The following ZNF146 variants were observed in gnomAD, a reference collection of about 807,000 sequenced individuals.
ZNF146 encodes zinc finger protein OZF.
A neutral mutation model predicts 22.2 loss-of-function variants in ZNF146; 9 were observed. The observed-to-expected ratio is 0.41, with a 90% CI of 0.24 to 0.71. The LOEUF (loss-of-function observed/expected upper bound fraction) is 0.71, where lower values mean the gene tolerates loss of function less well. Among genes scored for constraint, ZNF146 ranks in the 30% least tolerant of loss-of-function variants. The probability of loss-of-function intolerance (pLI) is 0.34; values close to 1 mark genes in which losing one functional copy is unlikely to be tolerated. For synonymous variants in ZNF146, 108 were observed against 119.2 expected (o/e 0.91, Z 0.61); for missense variants, 194 against 344.8 (o/e 0.56, Z 3.46).
chr19:36,217,055 CTTTT>C (rs752632008), intron 1 of ZNF146, among the ~76,000 whole-genome samples: 11 of 65,878 alleles, frequency 1.7e-4, no homozygotes, highest in South Asian at 8.1e-4. Context: ...CAGTCCCTGT[CTTTT>C]TTTTTTTTTT....
intron 3 of ZNF146, among the ~76,000 whole-genome samples, chr19:36,230,457 A>G (rs1977280005): frequency 6.6e-6 from 1 of 152,180 alleles, no homozygotes; most frequent in African/African-American, 2.4e-5. Context: ...GAATAAAGTA[A>G]GGGAAAACCG....
At chr19:36,216,122 A>T in intron 1 of ZNF146, among the ~76,000 whole-genome samples, 1 of 152,222 alleles carries the variant, frequency 6.6e-6, no homozygotes, top group East Asian at 1.9e-4. Flanking sequence ...AATATCTATA[A>T]ATAAATAGCC....
At chr19:36,228,298 T>A (rs1181438042) in intron 2 of ZNF146, among the ~76,000 whole-genome samples, 12 of 152,168 alleles carry the variant, frequency 7.9e-5, no homozygotes. Context: ...TGTGCTTTAG[T>A]TCTGATGGGA....
chr19:36,231,087 C>T (rs1977341000), intron 3 of ZNF146, among the ~76,000 whole-genome samples: 2 of 152,220 alleles, frequency 1.3e-5, no homozygotes, highest in South Asian at 2.1e-4. Flanking sequence ...GAAGGATATA[C>T]GTGACACGCG....
chr19:36,227,616 G>A (rs1210112826), intron 2 of ZNF146, among the ~76,000 whole-genome samples: 1 of 152,076 alleles, frequency 6.6e-6, no homozygotes, highest in East Asian at 1.9e-4. Context: ...TTTATGACAA[G>A]GTCTCACTCT....
chr19:36,221,870 A>G (rs1002910930), intron 2 of ZNF146, among the ~76,000 whole-genome samples: 1 of 146,144 alleles, frequency 6.8e-6, no homozygotes, highest in African/African-American at 2.6e-5. Context: ...GCACCTCCCT[A>G]TATCTCACTT....
intron 3 of ZNF146, among the ~76,000 whole-genome samples, chr19:36,232,641 C>T (rs1419697890): frequency 6.7e-6 from 1 of 150,052 alleles, no homozygotes; most frequent in East Asian, 1.9e-4. Context: ...CATAGTCTCC[C>T]TCTGTCACCC....
chr19:36,230,905 G>A (rs1470482840), intron 3 of ZNF146, among the ~76,000 whole-genome samples: 3 of 152,044 alleles, frequency 2.0e-5, no homozygotes, highest in Non-Finnish European at 4.4e-5. Context: ...AGGTTCAAGC[G>A]ATTCTCCTGC....
chr19:36,220,664 C>T (rs796143328), intron 2 of ZNF146, among the ~76,000 whole-genome samples: 1 of 152,036 alleles, frequency 6.6e-6, no homozygotes, highest in East Asian at 1.9e-4. Context: ...CGGCGCCCGG[C>T]CTCCTAGTTG....
chr19:36,216,118 T>TATAA (rs1976593441), intron 1 of ZNF146, among the ~76,000 whole-genome samples: 1 of 152,210 alleles, frequency 6.6e-6, no homozygotes, highest in South Asian at 2.1e-4. Context: ...AGTTAATATC[T>TATAA]ATAAATAAAT....
chr19:36,217,534 G>A (rs1332641414), intron 1 of ZNF146, among the ~76,000 whole-genome samples: 1 of 152,132 alleles, frequency 6.6e-6, no homozygotes, highest in African/African-American at 2.4e-5. Flanking sequence ...ACTTCAAAAT[G>A]TATTGTTAAC....
intron 1 of ZNF146, among the ~76,000 whole-genome samples, chr19:36,216,439 G>A (rs1240425437): frequency 1.3e-5 from 2 of 151,982 alleles, no homozygotes; most frequent in Non-Finnish European, 2.9e-5. Context: ...TCAGGAGTTC[G>A]AGAGGAGCCT....
At chr19:36,232,798 C>T (rs1052550554) in intron 3 of ZNF146, among the ~76,000 whole-genome samples, 15 of 151,854 alleles carry the variant, frequency 9.9e-5, no homozygotes, top group African/African-American at 9.7e-5. Flanking sequence ...TTAGTAGAGA[C>T]GAGGTTTCAC....
chr19:36,229,323 C>G (rs967514742), intron 3 of ZNF146, among the ~76,000 whole-genome samples: 1 of 152,200 alleles, frequency 6.6e-6, no homozygotes, highest in Non-Finnish European at 1.5e-5. Flanking sequence ...CTTCTGCTCC[C>G]ATGTACCTCT....
rs1349866410 is a variant in ZNF146, at chr19:36,237,167, A to G, written c.727A>G (p.Asn243Asp). The G allele has an allele frequency of 1.9e-6, 3 of 1,614,022 alleles. No homozygotes were observed. The African/African-American group carries it at 4.0e-5, about 22-fold the overall frequency. The change falls in exon 4 of 4, where the codon AAT becomes GAT. Residue 243 changes from asparagine to aspartate, a missense_variant. Asn to Asp is a conservative substitution (Grantham distance 23). Coordinates refer to ENST00000443387, the MANE Select transcript of ZNF146 (RefSeq NM_007145.3). ...SHTGEKPYGCNECGKAFSQFS... is the reference protein window; with the variant it reads ...SHTGEKPYGCDECGKAFSQFS... ...TACAGGGGAGAAGCCCTATGGTTGT[A>G]ATGAATGTGGGAAAGCTTTCTCTCA... is the stretch of plus-strand genomic sequence containing the variant.
intron 1 of ZNF146, among the ~76,000 whole-genome samples, chr19:36,216,299 C>A (rs1255015439): frequency 6.6e-6 from 1 of 151,952 alleles, no homozygotes; most frequent in East Asian, 1.9e-4. Context: ...AATAAATATA[C>A]CATGTGACAT....
chr19:36,230,863 GC>G (rs1455961874), intron 3 of ZNF146, among the ~76,000 whole-genome samples: 1 of 152,086 alleles, frequency 6.6e-6, no homozygotes, highest in African/African-American at 2.4e-5. Flanking sequence ...GTACAGTGGT[GC>G]GATCTCGGCT....
At chr19:36,226,107 A>G (rs755242425) in intron 2 of ZNF146, among the ~76,000 whole-genome samples, 6 of 152,130 alleles carry the variant, frequency 3.9e-5, no homozygotes, top group Non-Finnish European at 8.8e-5. Context: ...AGCAGCAGTA[A>G]TAGTCTGACA....
In ZNF146 at chr19:36,217,667, C is replaced by T. The variant is rs372392343; in HGVS notation, c.-928-455C>T. On this transcript the variant is annotated intron_variant, in intron 1 of 3. Transcript: ENST00000443387. Reference sequence around the variant, plus strand: ...TGGGAGGCCAACGCAGGCGGATCACCTGAGGTCAGGAGTTTGAGACCAGCG... The same window carrying T: ...TGGGAGGCCAACGCAGGCGGATCACTTGAGGTCAGGAGTTTGAGACCAGCG... Among the ~76,000 whole-genome samples the T allele has an allele frequency of 9.9e-5, 15 of 152,024 alleles. No individual in the cohort carries two copies. The South Asian group carries it at 2.7e-3, about 27-fold the overall frequency.
Sources: gnomAD v4.1 joint callset for allele counts (sites outside exome capture counted in the v4.1 genomes callset) on GRCh38, gnomAD v4.1.1 for gene constraint, MANE v1.5 for transcripts, NCBI Gene and HGNC (gene_info 2026-07-23, HGNC 2026-07-21) for gene names.